The following EFHB variants were observed in gnomAD, a reference collection of about 807,000 sequenced individuals.
The protein encoded by EFHB is EF-hand domain family member B, also known as EF-hand domain-containing family member B.
In EFHB, 91 loss-of-function variants were observed where a neutral mutation model predicts 87.2. The observed-to-expected ratio is 1.04, with a 90% CI of 0.88 to 1.24. EFHB has a LOEUF of 1.24. EFHB is among the 50% of genes most tolerant of loss of function. The probability of loss-of-function intolerance (pLI) is 0.00; values close to 1 mark genes in which losing one functional copy is unlikely to be tolerated. For synonymous variants in EFHB, 325 were observed against 333.6 expected (o/e 0.97, Z 0.28); for missense variants, 1,084 against 998.8 (o/e 1.09, Z -1.15).
intron 1 of EFHB, among the ~76,000 whole-genome samples, chr3:19,926,692 A>C (rs1361707393): frequency 2.7e-5 from 3 of 109,818 alleles, no homozygotes; most frequent in Admixed American, 1.9e-4. Context: ...AGACAGTTTC[A>C]CTCTTTTGCC....
chr3:19,944,840 C>T lies in EFHB; in HGVS notation c.-32+2079G>A, dbSNP rs1451505287. On this transcript the variant is annotated intron_variant, in intron 1 of 14. Coordinates refer to the EFHB transcript ENST00000344838. ...TAAGTTCACCAATACTTTGGGGGTCCCTATTATAGCAGTCAAGGGTCTTCT... is the reference window on the plus strand; with the variant it reads ...TAAGTTCACCAATACTTTGGGGGTCTCTATTATAGCAGTCAAGGGTCTTCT... Among the ~76,000 whole-genome samples the T allele has an allele frequency of 4.6e-5, 7 of 152,010 alleles. No individual in the cohort carries two copies. The South Asian group carries it at 1.5e-3, about 32-fold the overall frequency.
chr3:19,884,390 A>G lies in EFHB; in HGVS notation c.2146+13T>C. Reference sequence around the variant, plus strand: ...TGTTGATGCTTTTAAAACTTGACAAATAAGTGACATACAAGTAGAAGGAAT... The same window carrying G: ...TGTTGATGCTTTTAAAACTTGACAAGTAAGTGACATACAAGTAGAAGGAAT... On this transcript the variant is annotated intron_variant, in intron 11 of 12. Transcript: ENST00000295824. 6.2e-7 allele frequency: 1 copy of G among 1,609,904 alleles called. No homozygotes were observed. The highest frequency in any genetic ancestry group is 8.5e-7 in the Non-Finnish European group (1 of 1,177,624).
intron 5 of EFHB, among the ~76,000 whole-genome samples, chr3:19,912,602 C>G (rs1695100625): frequency 6.6e-6 from 1 of 152,154 alleles, no homozygotes; most frequent in Non-Finnish European, 1.5e-5. Flanking sequence ...CCAAACTACT[C>G]TTATCCCGAG....
At position 19,882,573 on chromosome 3, in the gene EFHB, A is replaced by G. The variant is rs1253488864; in HGVS notation, c.2305T>C (p.Phe769Leu). ...ARKGVFERDF[F>L]KTRSKEEIAE... ...ACCTCTTCTTTTGATCTGGTCTTGAAGAAGTCTCTTTCAAACACTCCTTTC... is the reference window on the plus strand; with the variant it reads ...ACCTCTTCTTTTGATCTGGTCTTGAGGAAGTCTCTTTCAAACACTCCTTTC... The change falls in exon 12 of 13, where the codon TTC becomes CTC. Residue 769 changes from phenylalanine to leucine, a missense_variant. Transcript: ENST00000295824. 15 of 1,608,352 alleles carry G rather than the reference A, an allele frequency of 9.3e-6. No homozygotes were observed. The highest frequency in any genetic ancestry group is 2.7e-5 in the African/African-American group (2 of 74,866).
Position 19,933,572 on chromosome 3 carries a change from A to G in EFHB, c.447T>C (p.Ser149=), listed in dbSNP as rs755503392. Residue 149 remains serine (S), a synonymous_variant, in exon 1 of 13, where the codon AGT becomes AGC. Transcript: ENST00000295824. ...CTAATTCCTCTACCCCTTCAGGGCCACTAGCCAAAGGAGCTCTCCTGCTCC... is the reference window on the plus strand; with the variant it reads ...CTAATTCCTCTACCCCTTCAGGGCCGCTAGCCAAAGGAGCTCTCCTGCTCC... ...AAGSRRAPLA[S]GPEGVEELVG... The G allele has an allele frequency of 3.1e-6, 5 of 1,613,964 alleles. No homozygotes were observed. In the South Asian group the frequency reaches 5.5e-5, roughly 18 times the overall value.
intron 1 of EFHB, chr3:19,943,438 T>C (rs1222891202): frequency 6.5e-6 from 1 of 153,702 alleles, no homozygotes. Flanking sequence ...TAAATCCAGG[T>C]AAGGGCTCAT....
chr3:19,941,163 AC>A, intron 1 of EFHB: 1 of 388,468 alleles, frequency 2.6e-6, no homozygotes. Flanking sequence ...TAAAAGTAGA[AC>A]CACCATCCAG....
At chr3:19,925,318 T>C (rs1695584413) in intron 1 of EFHB, among the ~76,000 whole-genome samples, 2 of 151,894 alleles carry the variant, frequency 1.3e-5, no homozygotes, top group South Asian at 4.2e-4. Context: ...TGTATATTGA[T>C]CCTATAATAT....
At chr3:19,910,090 G>A (rs1267435535) in intron 5 of EFHB, among the ~76,000 whole-genome samples, 1 of 151,786 alleles carries the variant, frequency 6.6e-6, no homozygotes, top group African/African-American at 2.4e-5. Context: ...AAAAGTAAGG[G>A]GAACTTTGTC....
chr3:19,896,462 G>A (rs1694484033), intron 9 of EFHB: 1 of 627,416 alleles, frequency 1.6e-6, no homozygotes, highest in Non-Finnish European at 2.8e-6. Context: ...AGGCCATACA[G>A]TTTTTGTTGC....
intron 8 of EFHB, among the ~76,000 whole-genome samples, chr3:19,898,564 T>C (rs1694561051): frequency 6.6e-6 from 1 of 152,206 alleles, no homozygotes; most frequent in Non-Finnish European, 1.5e-5. Context: ...CAGTACTTAT[T>C]ACAAGGGCTT....
Position 19,918,353 on chromosome 3 carries a change from T to G in EFHB, c.1056A>C (p.Lys352Asn). Residue 352 changes from lysine (K) to asparagine (N), a missense_variant, in exon 4 of 13, where the codon AAA becomes AAC. Coordinates refer to ENST00000295824, the MANE Select transcript of EFHB (RefSeq NM_144715.4). ...GATTGCTAAGATATATAGATTCTTT[T>G]TTATCTTTAATTTTCTGTTGAAATG... ...ITTFQQKIKD[K>N]KESIYLSNRR... 1 of 1,611,892 alleles carries G rather than the reference T, an allele frequency of 6.2e-7. No individual in the cohort carries two copies. Among genetic ancestry groups the G allele is most frequent in the Non-Finnish European group, 8.5e-7 (1 of 1,179,318 alleles).
At chr3:19,938,469 T>G (rs560710978), upstream of EFHB, among the ~76,000 whole-genome samples, 2 of 152,316 alleles carry the variant, frequency 1.3e-5, no homozygotes, top group East Asian at 1.9e-4. Context: ...TGGACATATG[T>G]GATAAAGCCA....
intron 9 of EFHB, among the ~76,000 whole-genome samples, chr3:19,893,585 A>C (rs988838739): frequency 5.3e-5 from 8 of 152,212 alleles, no homozygotes; most frequent in Non-Finnish European, 1.0e-4. Context: ...GCCTTAGTGC[A>C]GTTCTCTCAA....
At chr3:19,920,426 G>T in intron 2 of EFHB, 79 bp downstream of exon 2, 1 of 1,187,790 alleles carries the variant, frequency 8.4e-7, no homozygotes, top group South Asian at 1.4e-5. Context: ...ACTTTCATAA[G>T]GAACGTTGAG....
intron 9 of EFHB, among the ~76,000 whole-genome samples, chr3:19,893,336 T>C (rs9809548): frequency 0.26 from 40,021 of 152,070 alleles, 5,702 homozygotes; most frequent in African/African-American, 0.34. Context: ...TCTGTTTTAT[T>C]CTCTTTTATG....
chr3:19,928,950 A>G (rs535897589), intron 1 of EFHB, among the ~76,000 whole-genome samples: 1 of 152,308 alleles, frequency 6.6e-6, no homozygotes, highest in South Asian at 2.1e-4. Flanking sequence ...ATAAGAGTTC[A>G]GCAAGGTGAC....
rs560198634 is a variant in EFHB, at chr3:19,919,901, C to G, written c.928G>C (p.Gly310Arg). ...PPAGVERVFY[G>R]RANDPQIAPY... ...GCAATCTGGGGATCATTTGCTCTTC[C>G]GTAAAATACTCTTTCTACTCCAGCA... The change falls in exon 3 of 13, where the codon GGA (glycine) becomes CGA (arginine). Residue 310 changes from glycine to arginine, a missense_variant. Physicochemically the swap from Gly to Arg is moderately radical, Grantham distance 125. Transcript: ENST00000295824. 1.2e-6 allele frequency: 2 copies of G among 1,613,544 alleles called. No homozygotes were observed. The highest frequency in any genetic ancestry group is 1.3e-5 in the African/African-American group (1 of 74,888).
At chr3:19,939,228 G>A (rs1696092523) in intron 1 of EFHB, among the ~76,000 whole-genome samples, 2 of 152,026 alleles carry the variant, frequency 1.3e-5, no homozygotes, top group Middle Eastern at 3.4e-3. Flanking sequence ...TTCTGCTTTT[G>A]CCCCTGTTGT....
Sources: gnomAD v4.1 joint callset for allele counts (sites outside exome capture counted in the v4.1 genomes callset) on GRCh38, gnomAD v4.1.1 for gene constraint, MANE v1.5 for transcripts, NCBI Gene and HGNC (gene_info 2026-07-23, HGNC 2026-07-21) for gene names.